CRHR1: variants seen among roughly 807,000 people sequenced by gnomAD.
CRHR1 encodes the protein corticotropin-releasing hormone receptor 1.
CRHR1 carries 28 observed loss-of-function variants against 56.0 expected under a neutral mutation model. That is an observed-to-expected ratio of 0.50 (90% CI 0.37 to 0.69). The LOEUF (loss-of-function observed/expected upper bound fraction) is 0.69. CRHR1 is among the 30% of genes least tolerant of loss of function. The pLI, the probability that CRHR1 is intolerant of heterozygous loss-of-function variation, is 0.00. For missense variants in CRHR1, 376 were observed against 548.0 expected, an observed-to-expected ratio of 0.69 and a Z score of 3.13; for synonymous variants, 195 against 216.5, an observed-to-expected ratio of 0.90 and a Z score of 0.87.
chr17:45,795,101 A>T (rs904787746), intron 1 of CRHR1, among the ~76,000 whole-genome samples: 8 of 148,374 alleles, frequency 5.4e-5, no homozygotes, highest in African/African-American at 1.9e-4. Context: ...AGTCAGGGGA[A>T]GGAGTTCCCA....
At chr17:45,799,177 C>T (rs114496551) in intron 1 of CRHR1, among the ~76,000 whole-genome samples, 2,891 of 152,272 alleles carry the variant, frequency 0.019, 104 homozygotes, top group African/African-American at 0.065. Flanking sequence ...CATGAGGGTG[C>T]CCCTCTGCTG....
chr17:45,808,523 G>T (rs1346627695), intron 2 of CRHR1, among the ~76,000 whole-genome samples: 1 of 152,216 alleles, frequency 6.6e-6, no homozygotes, highest in African/African-American at 2.4e-5. Context: ...GAGGGATAGG[G>T]GGGCTGTTAC....
At chr17:45,814,508 T>C (rs1171203747) in intron 2 of CRHR1, among the ~76,000 whole-genome samples, 1 of 152,238 alleles carries the variant, frequency 6.6e-6, no homozygotes, top group East Asian at 1.9e-4. Context: ...TTTCTTCATC[T>C]GTAGAAAGGA....
intron 2 of CRHR1, among the ~76,000 whole-genome samples, chr17:45,807,971 C>G (rs978005148): frequency 1.3e-5 from 2 of 152,196 alleles, no homozygotes; most frequent in East Asian, 3.9e-4. Context: ...TGGGTGTGGT[C>G]CTGGGCATGG....
chr17:45,833,396 A>G, intron 9 of CRHR1, 56 bp from the exon 10 acceptor site: 2 of 1,576,126 alleles, frequency 1.3e-6, no homozygotes, highest in South Asian at 2.2e-5. Flanking sequence ...AGAGCTGAGA[A>G]GCCTGGGTCC....
intron 1 of CRHR1, among the ~76,000 whole-genome samples, chr17:45,794,244 A>T (rs931281356): frequency 2.0e-5 from 3 of 152,258 alleles, no homozygotes; most frequent in African/African-American, 7.2e-5. Flanking sequence ...TCTTGACTGC[A>T]TGCTCGGATG....
At chr17:45,820,922 G>A (rs112343850) in intron 3 of CRHR1, among the ~76,000 whole-genome samples, 12 of 152,304 alleles carry the variant, frequency 7.9e-5, no homozygotes, top group African/African-American at 2.2e-4. Flanking sequence ...CCCTTCCACC[G>A]TGTCATGCCC....
chr17:45,793,937 C>T (rs1165242911), intron 1 of CRHR1, among the ~76,000 whole-genome samples: 1 of 152,188 alleles, frequency 6.6e-6, no homozygotes, highest in Non-Finnish European at 1.5e-5. Flanking sequence ...CACCAAAGGC[C>T]AGTGAGACCT....
chr17:45,831,755 C>T (rs1366612915), intron 8 of CRHR1, among the ~76,000 whole-genome samples: 1 of 152,152 alleles, frequency 6.6e-6, no homozygotes, highest in Non-Finnish European at 1.5e-5. Flanking sequence ...CAGGGGAGCC[C>T]CAGGACCTTC....
chr17:45,801,463 C>T (rs2061620373), intron 1 of CRHR1, among the ~76,000 whole-genome samples: 1 of 152,178 alleles, frequency 6.6e-6, no homozygotes, highest in African/African-American at 2.4e-5. Flanking sequence ...AATCCTTTTA[C>T]GCGATGCTAT....
chr17:45,792,332 A>G (rs2061441176), intron 1 of CRHR1, among the ~76,000 whole-genome samples: 1 of 152,122 alleles, frequency 6.6e-6, no homozygotes, highest in Non-Finnish European at 1.5e-5. Context: ...TCTTTTAAGC[A>G]GGTACACTGT....
At chr17:45,812,025 A>G (rs1420527734) in intron 2 of CRHR1, among the ~76,000 whole-genome samples, 2 of 152,200 alleles carry the variant, frequency 1.3e-5, no homozygotes, top group Non-Finnish European at 2.9e-5. Flanking sequence ...AGAACTCCCC[A>G]TGGATATCAA....
chr17:45,794,388 C>A (rs1357349080), intron 1 of CRHR1, among the ~76,000 whole-genome samples: 1 of 152,242 alleles, frequency 6.6e-6, no homozygotes, highest in Non-Finnish European at 1.5e-5. Flanking sequence ...CTTTGAATAG[C>A]ACGGGCCTAA....
chr17:45,812,549 A>G (rs1044713910), intron 2 of CRHR1, among the ~76,000 whole-genome samples: 1 of 152,172 alleles, frequency 6.6e-6, no homozygotes, highest in Non-Finnish European at 1.5e-5. Flanking sequence ...GGGAGGGGAC[A>G]TTGGCCCAAG....
intron 1 of CRHR1, among the ~76,000 whole-genome samples, chr17:45,787,278 C>A (rs1044684777): frequency 6.6e-6 from 1 of 152,074 alleles, no homozygotes; most frequent in Non-Finnish European, 1.5e-5. Context: ...TGTCTCTATC[C>A]CCAGGGAGGG....
intron 3 of CRHR1, among the ~76,000 whole-genome samples, chr17:45,819,077 A>G (rs575269187): frequency 1.3e-5 from 2 of 152,242 alleles, no homozygotes; most frequent in South Asian, 4.2e-4. Flanking sequence ...GTGTTGAGCA[A>G]AGGGGCTCCT....
In CRHR1 at chr17:45,834,690, G is replaced by T; in HGVS notation, c.1174G>T (p.Ala392Ser). The change falls in exon 13 of 13, where the codon GCC becomes TCC. Residue 392 changes from alanine (A) to serine (S), a missense_variant. Ala to Ser is a moderately conservative substitution (Grantham distance 99). Transcript: ENST00000314537. Reference protein sequence around the residue: ...QDKHSIRARVARAMSIPTSPT... With the variant: ...QDKHSIRARVSRAMSIPTSPT... The stretch of plus-strand genomic sequence containing the variant: ...CAAGCACTCGATCCGTGCCCGAGTG[G>T]CCCGTGCCATGTCCATCCCCACCTC... 1.2e-6 allele frequency: 2 copies of T among 1,613,680 alleles called. No homozygotes were observed.
At chr17:45,787,595 G>A (rs1229865833) in intron 1 of CRHR1, among the ~76,000 whole-genome samples, 1 of 152,172 alleles carries the variant, frequency 6.6e-6, no homozygotes, top group African/African-American at 2.4e-5. Flanking sequence ...CCCTTCTCAA[G>A]CACCTGTCTG....
At chr17:45,805,039 T>G (rs1037284333) in intron 1 of CRHR1, among the ~76,000 whole-genome samples, 6 of 152,010 alleles carry the variant, frequency 3.9e-5, no homozygotes, top group Admixed American at 3.3e-4. Flanking sequence ...GGTCTTGAAC[T>G]GCTGACCTCG....
Sources: gnomAD v4.1 joint callset for allele counts (sites outside exome capture counted in the v4.1 genomes callset) on GRCh38, gnomAD v4.1.1 for gene constraint, MANE v1.5 for transcripts, NCBI Gene and HGNC (gene_info 2026-07-23, HGNC 2026-07-21) for gene names.